ALK: variants seen among roughly 807,000 people sequenced by gnomAD.
The protein encoded by ALK is ALK tyrosine kinase receptor.
ALK carries 74 observed loss-of-function variants against 163.1 expected under a neutral mutation model. The observed-to-expected ratio is 0.45, with a 90% CI of 0.38 to 0.55. The LOEUF (loss-of-function observed/expected upper bound fraction) is 0.55, where lower values mean the gene tolerates loss of function less well. ALK is among the 20% of genes least tolerant of loss of function. ALK has a pLI of 0.00. For synonymous variants in ALK, 960 were observed against 843.2 expected, an observed-to-expected ratio of 1.14 and a Z score of -2.40; for missense variants, 2,063 against 2,105.3, an observed-to-expected ratio of 0.98 and a Z score of 0.39.
chr2:29,743,148 G>A (rs1680107461), intron 1 of ALK, among the ~76,000 whole-genome samples: 1 of 152,190 alleles, frequency 6.6e-6, no homozygotes, highest in Non-Finnish European at 1.5e-5. Flanking sequence ...ATGGGTAGGA[G>A]CGGGGATGGA....
At chr2:29,836,721 A>C (rs1169086526) in intron 1 of ALK, among the ~76,000 whole-genome samples, 2 of 152,216 alleles carry the variant, frequency 1.3e-5, no homozygotes, top group Non-Finnish European at 2.9e-5. Flanking sequence ...ATTTAGCTCC[A>C]AAATCTATTT....
At chr2:29,204,346 G>T (rs540289641) in intron 26 of ALK, among the ~76,000 whole-genome samples, 87 of 152,276 alleles carry the variant, frequency 5.7e-4, no homozygotes, top group African/African-American at 2.0e-3. Flanking sequence ...ACATTTAATT[G>T]TCTTGTTTCT....
chr2:29,325,025 T>G (rs1260608911), intron 6 of ALK, among the ~76,000 whole-genome samples: 1 of 152,198 alleles, frequency 6.6e-6, no homozygotes, highest in African/African-American at 2.4e-5. Flanking sequence ...ATAATCTGTT[T>G]GCAGCCCCAG....
intron 7 of ALK, among the ~76,000 whole-genome samples, chr2:29,319,799 C>A (rs115404465): frequency 1.3e-5 from 2 of 152,258 alleles, no homozygotes; most frequent in African/African-American, 4.8e-5. Context: ...CTCTCCTCTG[C>A]GTCTTTTACA....
At chr2:29,233,369 T>C (rs918352322) in intron 14 of ALK, among the ~76,000 whole-genome samples, 196 bp downstream of exon 14, 1 of 152,132 alleles carries the variant, frequency 6.6e-6, no homozygotes, top group Non-Finnish European at 1.5e-5. Context: ...TGATCGTGAA[T>C]TCCTGACCTC....
At position 29,579,006 on chromosome 2, in the gene ALK, AG is replaced by A. The variant is rs527950609; in HGVS notation, c.953-46891del. ...AAGTCTAAAAAGCAATGTCAGCAGG[AG>A]AATGCACACTCTTGAAGAAGTACTA... is the stretch of plus-strand genomic sequence containing the variant. On this transcript the variant is annotated intron_variant, in intron 3 of 28. Coordinates refer to ENST00000389048, the MANE Select transcript of ALK (RefSeq NM_004304.5). Among the ~76,000 whole-genome samples, 88 of 152,334 alleles carry A rather than the reference AG, an allele frequency of 5.8e-4. No homozygotes were observed. The South Asian group carries it at 0.018, about 31-fold the overall frequency.
At chr2:29,310,951 CT>C (rs1199582259) in intron 8 of ALK, among the ~76,000 whole-genome samples, 1 of 152,234 alleles carries the variant, frequency 6.6e-6, no homozygotes, top group African/African-American at 2.4e-5. Flanking sequence ...GGGCCCAAAT[CT>C]CTTACTCATG....
intron 19 of ALK, 23 bp downstream of exon 19, chr2:29,225,438 T>C (rs372924748): frequency 1.3e-6 from 2 of 1,593,552 alleles, no homozygotes; most frequent in African/African-American, 2.7e-5. Flanking sequence ...CCCTTGGGAG[T>C]CCCTGGGGCT....
At chr2:29,641,606 G>A (rs2148245973) in intron 3 of ALK, among the ~76,000 whole-genome samples, 1 of 152,096 alleles carries the variant, frequency 6.6e-6, no homozygotes, top group South Asian at 2.1e-4. Flanking sequence ...TTGCTTAATA[G>A]CCATTCCTTA....
intron 1 of ALK, among the ~76,000 whole-genome samples, chr2:29,722,912 A>C (rs141845580): frequency 6.6e-6 from 1 of 152,190 alleles, no homozygotes; most frequent in African/African-American, 2.4e-5. Flanking sequence ...ACCAATGAGG[A>C]ATCCTTAACT....
intron 1 of ALK, among the ~76,000 whole-genome samples, chr2:29,905,121 A>C (rs1178477971): frequency 6.6e-6 from 1 of 152,154 alleles, no homozygotes; most frequent in African/African-American, 2.4e-5. Flanking sequence ...ATGCAAACAC[A>C]ATTTTGTGCT....
At chr2:29,876,063 T>C (rs532314097) in intron 1 of ALK, among the ~76,000 whole-genome samples, 15 of 152,314 alleles carry the variant, frequency 9.8e-5, no homozygotes, top group Non-Finnish European at 1.5e-5. Flanking sequence ...GCAATATGTG[T>C]GTGTGTTGAG....
chr2:29,660,995 C>T (rs1677331350), intron 3 of ALK, among the ~76,000 whole-genome samples: 1 of 152,138 alleles, frequency 6.6e-6, no homozygotes, highest in Non-Finnish European at 1.5e-5. Context: ...TCACACCGGA[C>T]ATCTTCCTGG....
intron 1 of ALK, among the ~76,000 whole-genome samples, chr2:29,718,722 G>A (rs1679336192): frequency 1.3e-5 from 2 of 152,204 alleles, no homozygotes; most frequent in South Asian, 2.1e-4. Context: ...GACCTAGAGA[G>A]GCAAGTGATG....
chr2:29,614,512 C>G (rs939195510), intron 3 of ALK, among the ~76,000 whole-genome samples: 1 of 152,182 alleles, frequency 6.6e-6, no homozygotes, highest in Non-Finnish European at 1.5e-5. Flanking sequence ...ACAGCATGTT[C>G]CATCCACTCC....
At chr2:29,610,317 C>T (rs1198205539) in intron 3 of ALK, among the ~76,000 whole-genome samples, 1 of 152,120 alleles carries the variant, frequency 6.6e-6, no homozygotes, top group Non-Finnish European at 1.5e-5. Flanking sequence ...GGCTGCTTGT[C>T]CTTTGCTCTG....
intron 4 of ALK, among the ~76,000 whole-genome samples, chr2:29,523,674 A>T: frequency 6.6e-6 from 1 of 152,036 alleles, no homozygotes; most frequent in African/African-American, 2.4e-5. Context: ...TCATTATGGG[A>T]TTGGCCAAGA....
chr2:29,844,167 G>T (rs1005109126), intron 1 of ALK, among the ~76,000 whole-genome samples: 4 of 152,186 alleles, frequency 2.6e-5, no homozygotes, highest in African/African-American at 9.6e-5. Flanking sequence ...AGAAGGAGTT[G>T]TCTGGACAAC....
chr2:29,367,697 T>G (rs1301614992), intron 5 of ALK, among the ~76,000 whole-genome samples: 1 of 152,220 alleles, frequency 6.6e-6, no homozygotes, highest in Non-Finnish European at 1.5e-5. Context: ...GGAAGGAGTT[T>G]CTAGATGTTG....
Sources: allele counts gnomAD v4.1 joint callset (sites outside exome capture counted in the v4.1 genomes callset), GRCh38; gene constraint gnomAD v4.1.1; transcripts MANE v1.5; gene names NCBI Gene and HGNC (gene_info 2026-07-23, HGNC 2026-07-21).